INPP5A: variants seen among roughly 807,000 people sequenced by gnomAD.
The protein encoded by INPP5A is 43 kDa inositol polyphosphate 5-phophatase.
A neutral mutation model predicts 65.2 loss-of-function variants in INPP5A; 14 were observed. The observed-to-expected ratio is 0.21, with a 90% confidence interval of 0.14 to 0.34. The LOEUF is 0.34. INPP5A is among the 10% of genes least tolerant of loss of function. The pLI is 1.00. For synonymous variants in INPP5A, 207 were observed against 208.3 expected (o/e 0.99, Z 0.05); for missense variants, 431 against 545.6 (o/e 0.79, Z 2.09).
intron 1 of INPP5A, among the ~76,000 whole-genome samples, chr10:132,598,163 C>T (rs1371416016): frequency 1.3e-5 from 2 of 152,176 alleles, no homozygotes; most frequent in East Asian, 1.9e-4. Context: ...AGCTCTCAGA[C>T]GTGTGGAGAC....
At chr10:132,780,982 C>T in intron 14 of INPP5A, 65 bp downstream of exon 14, 1 of 299,424 alleles carries the variant, frequency 3.3e-6, no homozygotes, top group South Asian at 3.0e-5. Flanking sequence ...GGCCGGGGGG[C>T]TGGGGCCAGT....
intron 2 of INPP5A, among the ~76,000 whole-genome samples, chr10:132,608,395 G>A (rs1218308065): frequency 3.3e-5 from 5 of 152,248 alleles, no homozygotes; most frequent in Non-Finnish European, 1.5e-5. Context: ...GGAGGGTTTC[G>A]GGCTGGCACT....
At chr10:132,596,944 C>T (rs1324505143) in intron 1 of INPP5A, among the ~76,000 whole-genome samples, 1 of 125,676 alleles carries the variant, frequency 8.0e-6, no homozygotes, top group Non-Finnish European at 1.6e-5. Flanking sequence ...CGCATGTGTG[C>T]GTGTGTGCAC....
In INPP5A at chr10:132,575,937, C is replaced by T. The variant is rs1360804958; in HGVS notation, c.76-31978C>T. 6.6e-6 allele frequency among the ~76,000 whole-genome samples: 1 copy of T among 152,194 alleles called. No homozygotes were observed. The highest frequency in any genetic ancestry group is 1.5e-5 in the Non-Finnish European group (1 of 68,024). ...CTCTTGTGGACTGTGGAGCTGGTGG[C>T]TCCCCTCTCCTCCTGAACCACGAGT... On this transcript the variant is annotated intron_variant, in intron 1 of 15. Transcript: ENST00000368594. This position sits in a 1 kb window ranked among gnomAD's most constrained non-coding sequence, Gnocchi z 5.4.
intron 8 of INPP5A, among the ~76,000 whole-genome samples, chr10:132,712,009 T>C (rs1313481671): frequency 1.3e-5 from 2 of 152,156 alleles, no homozygotes; most frequent in East Asian, 3.9e-4. Flanking sequence ...ACCAGCGCCG[T>C]CAGATGCTCA....
chr10:132,739,044 G>A (rs1846227864), intron 9 of INPP5A, among the ~76,000 whole-genome samples: 1 of 152,208 alleles, frequency 6.6e-6, no homozygotes, highest in Non-Finnish European at 1.5e-5. Flanking sequence ...AAGTAAGGGA[G>A]GCCGGCGAAG....
intron 1 of INPP5A, among the ~76,000 whole-genome samples, chr10:132,583,649 A>G (rs961435101): frequency 2.0e-5 from 3 of 152,136 alleles, no homozygotes; most frequent in Non-Finnish European, 4.4e-5. Context: ...ATGTGCTCAG[A>G]TGGTTTTTCT....
At chr10:132,720,765 G>A (rs1199551418) in intron 8 of INPP5A, among the ~76,000 whole-genome samples, 5 of 150,246 alleles carry the variant, frequency 3.3e-5, no homozygotes, top group Admixed American at 6.6e-5. Flanking sequence ...GCTGTCTTGC[G>A]GGTTCTGTGG....
intron 8 of INPP5A, among the ~76,000 whole-genome samples, chr10:132,725,138 G>A (rs1420973695): frequency 2.6e-5 from 4 of 152,270 alleles, no homozygotes; most frequent in Non-Finnish European, 5.9e-5. Flanking sequence ...AGAACAGCAG[G>A]CTGTGAACAG....
chr10:132,703,419 C>T (rs1845468877), intron 6 of INPP5A, among the ~76,000 whole-genome samples: 1 of 149,676 alleles, frequency 6.7e-6, no homozygotes. Context: ...AGCGGCTTCA[C>T]CCCCCCACAT....
At chr10:132,768,234 A>G (rs1591000350) in intron 12 of INPP5A, among the ~76,000 whole-genome samples, 1 of 137,816 alleles carries the variant, frequency 7.3e-6, no homozygotes, top group African/African-American at 2.8e-5. Context: ...CCCGACCCTC[A>G]GCGTTCCCAG....
chr10:132,559,670 G>C (rs529279685), intron 1 of INPP5A, among the ~76,000 whole-genome samples: 10 of 145,974 alleles, frequency 6.9e-5, no homozygotes, highest in African/African-American at 2.5e-4. Context: ...AGGGACCTCA[G>C]TTACTCAGCA....
chr10:132,538,180 C>T lies in INPP5A; in HGVS notation c.75+9C>T, dbSNP rs1590813232. On this transcript the variant is annotated intron_variant, in intron 1 of 15. Coordinates refer to ENST00000368594, the MANE Select transcript of INPP5A (RefSeq NM_005539.5). The surrounding 1 kb of genome is among the most constrained non-coding windows in gnomAD (Gnocchi z 4.1). ...GCTCGCTCTTCGACGACGTAAGTCCCCCGTGCCGGCGGCAGGCCCCAAGCC... is the reference window on the plus strand; with the variant it reads ...GCTCGCTCTTCGACGACGTAAGTCCTCCGTGCCGGCGGCAGGCCCCAAGCC... 4 of 1,273,778 alleles carry T rather than the reference C, an allele frequency of 3.1e-6. No individual in the cohort carries two copies. The highest frequency in any genetic ancestry group is 3.1e-5 in the East Asian group (1 of 32,144). 78.9% of individuals were successfully genotyped at this position (1,273,778 alleles called of 1,614,324 possible). A position where few individuals can be genotyped will look rare whatever the true frequency, so the allele number is the denominator to read the frequency against.
chr10:132,561,081 T>C (rs1376236131), intron 1 of INPP5A, among the ~76,000 whole-genome samples: 1 of 139,124 alleles, frequency 7.2e-6, no homozygotes. Context: ...TGAGACAGGG[T>C]CTTCCCCTGT....
rs1311816079 is a variant in INPP5A, at chr10:132,549,443, C to G, written c.75+11272C>G. Among the ~76,000 whole-genome samples, 1 of 152,226 alleles carries G rather than the reference C, an allele frequency of 6.6e-6. No individual in the cohort carries two copies. Among genetic ancestry groups the G allele is most frequent in the Non-Finnish European group, 1.5e-5 (1 of 68,046 alleles). On this transcript the variant is annotated intron_variant, in intron 1 of 15. Coordinates refer to ENST00000368594, the MANE Select transcript of INPP5A (RefSeq NM_005539.5). This position sits in a 1 kb window ranked among gnomAD's most constrained non-coding sequence, Gnocchi z 4.9. ...TTGCGGTTTAACTTGCATTTCTGGT[C>G]CTACTTCCAAATAATAATTCCCCAC...
chr10:132,690,253 C>G (rs1004740954), intron 4 of INPP5A, 139 bp from the exon 5 acceptor site: 1 of 652,756 alleles, frequency 1.5e-6, no homozygotes, highest in Non-Finnish European at 2.7e-6. Flanking sequence ...CATCCTGTGC[C>G]TCAGTAACTG....
intron 2 of INPP5A, among the ~76,000 whole-genome samples, chr10:132,617,303 GCAAAGCCA>G (rs941736749): frequency 3.3e-5 from 5 of 152,188 alleles, no homozygotes; most frequent in Non-Finnish European, 7.4e-5. Context: ...GTGGCTTGGG[GCAAAGCCA>G]CCCTGTGGCT....
intron 12 of INPP5A, among the ~76,000 whole-genome samples, chr10:132,776,525 G>A (rs553043601): frequency 3.3e-5 from 5 of 152,318 alleles, no homozygotes; most frequent in East Asian, 1.9e-4. Context: ...GATCCCAGTC[G>A]CGACAGGTGC....
At chr10:132,726,540 G>A (rs540201638) in intron 8 of INPP5A, among the ~76,000 whole-genome samples, 2 of 152,362 alleles carry the variant, frequency 1.3e-5, no homozygotes, top group African/African-American at 4.8e-5. Flanking sequence ...GGCCCAGTGG[G>A]TGAGGAGGCA....
Sources: allele counts gnomAD v4.1 joint callset (sites outside exome capture counted in the v4.1 genomes callset), GRCh38; gene constraint gnomAD v4.1.1; non-coding constraint Gnocchi (gnomAD v3.1); transcripts MANE v1.5; gene names NCBI Gene and HGNC (gene_info 2026-07-23, HGNC 2026-07-21).